FHDC1: variants seen among roughly 807,000 people sequenced by gnomAD.
The protein encoded by FHDC1 is FH2 domain containing 1.
Under a neutral mutation model 52.6 loss-of-function variants are expected in FHDC1, and 25 were observed. That is an observed-to-expected ratio of 0.48 (90% CI 0.35 to 0.66). The LOEUF is 0.66. FHDC1 is among the 30% of genes least tolerant of loss of function. The pLI, the probability that FHDC1 is intolerant of heterozygous loss-of-function variation, is 0.01. For synonymous variants in FHDC1, 616 were observed against 581.5 expected (o/e 1.06, Z -0.85); for missense variants, 1,459 against 1,452.8 (o/e 1.00, Z -0.07).
the FHDC1 span, chr4:152,928,289 CA>C: frequency 3.3e-4 from 184 of 559,628 alleles, no homozygotes; most frequent in East Asian, 2.0e-3. Context: ...TTATGTCCCT[CA>C]AAAAAAAACT....
the FHDC1 span, among the ~76,000 whole-genome samples, chr4:152,926,993 T>C: frequency 6.6e-6 from 1 of 152,348 alleles, no homozygotes; most frequent in Non-Finnish European, 1.5e-5. Context: ...TATCTAAGAA[T>C]GGGTCTCAGG....
chr4:152,931,924 G>T (rs1208247827), upstream of FHDC1, among the ~76,000 whole-genome samples: 1 of 126,888 alleles, frequency 7.9e-6, no homozygotes, highest in African/African-American at 3.3e-5. Flanking sequence ...GTGATGGAGC[G>T]AGAACCTGTC....
intron 10 of FHDC1, among the ~76,000 whole-genome samples, chr4:152,968,715 G>A (rs1156243150): frequency 6.6e-6 from 1 of 152,176 alleles, no homozygotes; most frequent in Admixed American, 6.5e-5. Flanking sequence ...AGTTTACTGT[G>A]GTGAACTGGT....
intron 1 of FHDC1, among the ~76,000 whole-genome samples, chr4:152,937,945 G>T (rs112403078): frequency 6.4e-4 from 97 of 152,294 alleles, no homozygotes; most frequent in African/African-American, 2.2e-3. Flanking sequence ...GCTGCGGACA[G>T]CTGTCTAACG....
chr4:152,960,136 TC>T (rs1561209407), intron 4 of FHDC1, among the ~76,000 whole-genome samples: 1 of 152,250 alleles, frequency 6.6e-6, no homozygotes, highest in African/African-American at 2.4e-5. Context: ...AAGATTTTTT[TC>T]CGTTTATGAC....
the FHDC1 span, chr4:152,912,200 C>T: frequency 6.6e-6 from 1 of 151,524 alleles, no homozygotes; most frequent in African/African-American, 2.4e-5. Context: ...GGGCACATGA[C>T]CAAAAGAAAA....
chr4:152,968,314 G>A (rs903215900), intron 10 of FHDC1, among the ~76,000 whole-genome samples: 18 of 148,870 alleles, frequency 1.2e-4, no homozygotes, highest in South Asian at 8.5e-4. Flanking sequence ...TTGTCTCTTC[G>A]TTTGTTTGAC....
At chr4:152,925,712 C>CT in the FHDC1 span, among the ~76,000 whole-genome samples, 11 of 147,586 alleles carry the variant, frequency 7.5e-5, no homozygotes, top group South Asian at 1.3e-3. Context: ...AGTGCATCCT[C>CT]CTTTTTTTTT....
intron 4 of FHDC1, among the ~76,000 whole-genome samples, chr4:152,959,572 G>A (rs1740210555): frequency 6.6e-6 from 1 of 152,168 alleles, no homozygotes; most frequent in South Asian, 2.1e-4. Context: ...CCTAGTGTAT[G>A]TGGGGCTTTT....
chr4:152,976,584 G>T lies in FHDC1; in HGVS notation c.3293G>T (p.Arg1098Leu), dbSNP rs766854306. ...RASSARAPKK[R>L]PESAEGPSAN... ...AGCAGTGCCCGGGCCCCCAAGAAGCGCCCAGAGTCTGCGGAGGGTCCCAGT... is the reference window on the plus strand; with the variant it reads ...AGCAGTGCCCGGGCCCCCAAGAAGCTCCCAGAGTCTGCGGAGGGTCCCAGT... Residue 1098 changes from arginine (R) to leucine (L), a missense_variant, in exon 12 of 12, where the codon CGC becomes CTC. By Grantham distance (102) the Arg-to-Leu change is moderately radical. Around this residue, in one of 3 missense-constraint regions of FHDC1, gnomAD observed 939 missense variants for 854.5 expected, o/e 1.10. Coordinates refer to ENST00000511601, the MANE Select transcript of FHDC1 (RefSeq NM_001371116.1). 2 of 1,612,338 alleles carry T rather than the reference G, an allele frequency of 1.2e-6. No homozygotes were observed. Among genetic ancestry groups the T allele is most frequent in the African/African-American group, 1.3e-5 (1 of 74,906 alleles).
At chr4:152,970,880 T>TC (rs1243547444) in intron 10 of FHDC1, among the ~76,000 whole-genome samples, 1 of 152,198 alleles carries the variant, frequency 6.6e-6, no homozygotes, top group Non-Finnish European at 1.5e-5. Flanking sequence ...TCTGTAGCTC[T>TC]CCACACAGGT....
At chr4:152,923,970 C>G in the FHDC1 span, among the ~76,000 whole-genome samples, 1 of 152,072 alleles carries the variant, frequency 6.6e-6, no homozygotes, top group Non-Finnish European at 1.5e-5. Context: ...GTCTAAAACA[C>G]CAAAAGCAAT....
rs1740661648 is a variant in FHDC1 at position 152,972,311 on chromosome 4, G to A, written c.1219-66G>A. On this transcript the variant is annotated intron_variant, in intron 10 of 11. Coordinates refer to ENST00000511601, the MANE Select transcript of FHDC1 (RefSeq NM_001371116.1). Reference sequence around the variant, plus strand: ...AGCACGTCTTCTCTGGGCACCGGATGCAGTGCCCAGCGCCGCCTCAGCTGA... The same window carrying A: ...AGCACGTCTTCTCTGGGCACCGGATACAGTGCCCAGCGCCGCCTCAGCTGA... 7 of 1,452,896 alleles carry A rather than the reference G, an allele frequency of 4.8e-6. No homozygotes were observed. In the South Asian group the frequency reaches 9.9e-5, roughly 21 times the overall value. 90.0% of individuals were successfully genotyped at this position (1,452,896 alleles called of 1,614,324 possible).
chr4:152,970,766 C>T lies in FHDC1; in HGVS notation c.1219-1611C>T, dbSNP rs930610106. 1.3e-5 allele frequency among the ~76,000 whole-genome samples: 2 copies of T among 152,168 alleles called. 1 individual carries two copies. Among genetic ancestry groups the T allele is most frequent in the South Asian group, 4.2e-4 (2 of 4,818 alleles). ...TTGGTTTCCTACATAGTTTTCGTTTCTTACTACCTCTTGAGTGTGTTTGGT... is the reference window on the plus strand; with the variant it reads ...TTGGTTTCCTACATAGTTTTCGTTTTTTACTACCTCTTGAGTGTGTTTGGT... On this transcript the variant is annotated intron_variant, in intron 10 of 11. Transcript: ENST00000511601.
the FHDC1 span, chr4:152,911,752 T>C: frequency 6.6e-6 from 1 of 152,610 alleles, no homozygotes. Flanking sequence ...TGATTGTAAA[T>C]CATACCTATT....
At chr4:152,958,594 AG>A (rs1227893729) in intron 4 of FHDC1, among the ~76,000 whole-genome samples, 1 of 152,240 alleles carries the variant, frequency 6.6e-6, no homozygotes, top group Non-Finnish European at 1.5e-5. Context: ...GAGTTTACTT[AG>A]CATGACCTGT....
At position 152,974,904 on chromosome 4, in the gene FHDC1, G is replaced by GCTCCCGCCT. The variant is rs1561215804; in HGVS notation, c.1619_1627dup (p.Arg540_Ser542dup). The GCTCCCGCCT allele has an allele frequency of 1.9e-6, 3 of 1,608,528 alleles. No homozygotes were observed. The highest frequency in any genetic ancestry group is 1.7e-6 in the Non-Finnish European group (2 of 1,178,388). ...TCCTACCGGCCCCCGAACACCCGCCGCTCCCGCCTCTCCCTGGGTCCCTCT... is the reference window on the plus strand; with the variant it reads ...TCCTACCGGCCCCCGAACACCCGCCGCTCCCGCCTCTCCCGCCTCTCCCTGGGTCCCTCT... On this transcript the variant is annotated inframe_insertion, in exon 12 of 12. Coordinates refer to ENST00000511601, the MANE Select transcript of FHDC1 (RefSeq NM_001371116.1).
intron 1 of FHDC1, among the ~76,000 whole-genome samples, chr4:152,937,625 G>GCCCGCCCCGCAGTC (rs934751526): frequency 6.6e-6 from 1 of 151,562 alleles, no homozygotes; most frequent in Non-Finnish European, 1.5e-5. Context: ...CGCGCTGGGC[G>GCCCGCCCCGCAGTC]CCCGCCCCGC....
chr4:152,977,605 G>T lies in FHDC1; in HGVS notation c.*882G>T, dbSNP rs552355994. On this transcript the variant is annotated 3_prime_UTR_variant, in exon 12 of 12. Coordinates refer to ENST00000511601, the MANE Select transcript of FHDC1 (RefSeq NM_001371116.1). Reference sequence around the variant, plus strand: ...CTACAGGCGTGCACCACCACGCCTGGTTAATTGTTTTTTTTTAATTTATCT... The same window carrying T: ...CTACAGGCGTGCACCACCACGCCTGTTTAATTGTTTTTTTTTAATTTATCT... The T allele has an allele frequency of 2.0e-5, 3 of 152,060 alleles. No homozygotes were observed. The highest frequency in any genetic ancestry group is 7.2e-5 in the African/African-American group (3 of 41,466). 9.4% of individuals were successfully genotyped at this position (152,060 alleles called of 1,614,324 possible).
Sources: allele counts gnomAD v4.1 joint callset (sites outside exome capture counted in the v4.1 genomes callset), GRCh38; gene constraint gnomAD v4.1.1; regional missense constraint gnomAD v4.1.1; transcripts MANE v1.5; gene names NCBI Gene and HGNC (gene_info 2026-07-23, HGNC 2026-07-21).